TMEM132B: variants seen among roughly 807,000 people sequenced by gnomAD.
TMEM132B encodes transmembrane protein 132B.
In TMEM132B, 18 loss-of-function variants were observed where a neutral mutation model predicts 90.8. The ratio of observed to expected loss-of-function variants is 0.20; its 90% CI spans 0.14 to 0.29. The LOEUF (loss-of-function observed/expected upper bound fraction) is 0.29, where lower values mean the gene tolerates loss of function less well. Among genes scored for constraint, TMEM132B ranks in the 10% least tolerant of loss-of-function variants. The pLI is 1.00. For missense variants in TMEM132B, 1,096 were observed against 1,326.8 expected, an observed-to-expected ratio of 0.83 and a Z score of 2.70; for synonymous variants, 504 against 523.3, an observed-to-expected ratio of 0.96 and a Z score of 0.50.
At chr12:125,576,696 C>T (rs1395332311) in intron 4 of TMEM132B, among the ~76,000 whole-genome samples, 1 of 151,906 alleles carries the variant, frequency 6.6e-6, no homozygotes, top group Non-Finnish European at 1.5e-5. Context: ...TTGTCAAATG[C>T]TTTTTTTCAC....
Position 125,445,433 on chromosome 12 carries a change from A to G in TMEM132B, c.1106+29756A>G, listed in dbSNP as rs1426007050. 2.6e-5 allele frequency among the ~76,000 whole-genome samples: 4 copies of G among 152,236 alleles called. No homozygotes were observed. The highest frequency in any genetic ancestry group is 2.6e-4 in the Admixed American group (4 of 15,290). On this transcript the variant is annotated intron_variant, in intron 3 of 8. Coordinates refer to ENST00000682704, the MANE Select transcript of TMEM132B (RefSeq NM_001366854.1). The surrounding 1 kb of genome is among the most constrained non-coding windows in gnomAD (Gnocchi z 4.3). Reference sequence around the variant, plus strand: ...ACCCTTCACCACCTGCTCTGAGACAATGGGCCAAAGTCTAAGCCTTTCTTC... The same window carrying G: ...ACCCTTCACCACCTGCTCTGAGACAGTGGGCCAAAGTCTAAGCCTTTCTTC...
At chr12:125,553,392 C>T (rs550669122) in intron 4 of TMEM132B, among the ~76,000 whole-genome samples, 6 of 152,290 alleles carry the variant, frequency 3.9e-5, no homozygotes, top group South Asian at 2.1e-4. Flanking sequence ...TGTGAAGCAA[C>T]CAAGAACATA....
intron 4 of TMEM132B, among the ~76,000 whole-genome samples, chr12:125,529,580 G>A (rs146424585): frequency 3.5e-4 from 54 of 152,242 alleles, no homozygotes; most frequent in Admixed American, 9.8e-4. Context: ...GGATTCAGAC[G>A]GGGGTAGCCT....
intron 3 of TMEM132B, among the ~76,000 whole-genome samples, chr12:125,439,466 G>A (rs1382385884): frequency 6.6e-6 from 1 of 152,106 alleles, no homozygotes; most frequent in East Asian, 1.9e-4. Flanking sequence ...TTGGCTCTTG[G>A]CTTGGCTACT....
intron 1 of TMEM132B, among the ~76,000 whole-genome samples, chr12:125,308,748 C>A (rs11835651): frequency 0.084 from 12,822 of 152,008 alleles, 608 homozygotes; most frequent in Non-Finnish European, 0.1. Flanking sequence ...ACTTTTGCAG[C>A]AGGTCTTTTA....
intron 4 of TMEM132B, among the ~76,000 whole-genome samples, chr12:125,568,643 C>A (rs975766623): frequency 2.0e-5 from 3 of 152,194 alleles, no homozygotes; most frequent in African/African-American, 7.2e-5. Context: ...TTTCTTCCCC[C>A]CTCTGGCTCT....
intron 4 of TMEM132B, among the ~76,000 whole-genome samples, chr12:125,530,583 A>G (rs1158134855): frequency 6.6e-6 from 1 of 152,266 alleles, no homozygotes; most frequent in East Asian, 1.9e-4. Context: ...TCTGGAGGCC[A>G]GAAGTCTGAA....
intron 1 of TMEM132B, among the ~76,000 whole-genome samples, chr12:125,249,356 C>T (rs749023531): frequency 3.3e-5 from 5 of 152,094 alleles, no homozygotes; most frequent in South Asian, 2.1e-4. Context: ...TCGAGAACCA[C>T]GCTCTGAGAA....
rs1887221849 is a variant in TMEM132B, at chr12:125,662,310, T to C, written c.*7600T>C. The C allele has an allele frequency of 6.6e-6, 1 of 152,240 alleles. No individual in the cohort carries two copies. 9.4% of individuals were successfully genotyped at this position (152,240 alleles called of 1,614,324 possible). On this transcript the variant is annotated 3_prime_UTR_variant, in exon 9 of 9. Coordinates refer to ENST00000682704, the MANE Select transcript of TMEM132B (RefSeq NM_001366854.1). ...TGTGTATGTTCCACCGTATATTTAA[T>C]GTCTCTGTAAAGGCACTTCCAAACA...
chr12:125,195,336 G>A (rs2136052324), intron 1 of TMEM132B, among the ~76,000 whole-genome samples: 1 of 151,550 alleles, frequency 6.6e-6, no homozygotes, highest in East Asian at 1.9e-4. Flanking sequence ...GGTGGTCTGT[G>A]CTGTGGAGAA....
rs569330245 is a variant in TMEM132B at position 125,653,483 on chromosome 12, A to G, written c.2107-82A>G. On this transcript the variant is annotated intron_variant, in intron 8 of 8. Transcript: ENST00000682704. ...GAAATCTTCTCCTTATATTTAAACA[A>G]TTTATATAGGAAATTATACTTATGT... The G allele has an allele frequency of 7.7e-5, 110 of 1,428,332 alleles. 2 individuals are homozygous for G. In the Middle Eastern group the frequency reaches 7.7e-4, roughly 10 times the overall value. 88.5% of individuals were successfully genotyped at this position (1,428,332 alleles called of 1,614,324 possible).
intron 4 of TMEM132B, among the ~76,000 whole-genome samples, chr12:125,568,551 T>C (rs1217699831): frequency 6.6e-6 from 1 of 152,200 alleles, no homozygotes; most frequent in East Asian, 1.9e-4. Context: ...TAACAGATCA[T>C]CACAGCCTCA....
chr12:125,361,915 A>G (rs1412138801), intron 2 of TMEM132B, among the ~76,000 whole-genome samples: 2 of 152,242 alleles, frequency 1.3e-5, no homozygotes, highest in Admixed American at 6.5e-5. Flanking sequence ...TCAGATCACA[A>G]CTTTGGAAAA....
chr12:125,654,429 A>C lies in TMEM132B; in HGVS notation c.2971A>C (p.Asn991His). The C allele has an allele frequency of 1.2e-6, 2 of 1,613,590 alleles. No homozygotes were observed. Among genetic ancestry groups the C allele is most frequent in the Non-Finnish European group, 1.7e-6 (2 of 1,180,000 alleles). The change falls in exon 9 of 9, where the codon AAT (asparagine) becomes CAT (histidine). Residue 991 changes from asparagine to histidine, a missense_variant. Transcript: ENST00000682704. The surrounding 1 kb of genome is among the most constrained non-coding windows in gnomAD (Gnocchi z 5.8). ...GTTCGAGGAGAGGAACTTCCTTCTG[A>C]ATGGCAGTTCCCAGAAGACTTTTCA... ...LQFEERNFLL[N>H]GSSQKTFHSQ...
chr12:125,353,325 A>G (rs1292439258), intron 2 of TMEM132B, among the ~76,000 whole-genome samples: 1 of 152,152 alleles, frequency 6.6e-6, no homozygotes, highest in Non-Finnish European at 1.5e-5. Flanking sequence ...GGCAGCCCCT[A>G]TCACTGCTGT....
chr12:125,538,346 C>A (rs1189150446), intron 4 of TMEM132B, among the ~76,000 whole-genome samples: 1 of 152,108 alleles, frequency 6.6e-6, no homozygotes, highest in East Asian at 1.9e-4. Flanking sequence ...GGTTAGGGTG[C>A]AGATAACTCT....
chr12:125,295,478 G>A (rs531941756), intron 1 of TMEM132B, among the ~76,000 whole-genome samples: 11 of 151,420 alleles, frequency 7.3e-5, no homozygotes, highest in African/African-American at 9.7e-5. Context: ...CACATAGGCC[G>A]GCTGTCTCTC....
chr12:125,447,392 C>T (rs983286508), intron 3 of TMEM132B, among the ~76,000 whole-genome samples: 5 of 152,056 alleles, frequency 3.3e-5, no homozygotes, highest in Non-Finnish European at 5.9e-5. Flanking sequence ...CTAGAGAATT[C>T]GTCACTTTTA....
intron 2 of TMEM132B, among the ~76,000 whole-genome samples, chr12:125,394,188 T>A (rs950341841): frequency 2.6e-5 from 4 of 152,212 alleles, no homozygotes; most frequent in African/African-American, 9.7e-5. Flanking sequence ...GCTACTATGA[T>A]TCCATTTTAC....
Sources: allele counts gnomAD v4.1 joint callset (sites outside exome capture counted in the v4.1 genomes callset), GRCh38; gene constraint gnomAD v4.1.1; non-coding constraint Gnocchi (gnomAD v3.1); transcripts MANE v1.5; gene names NCBI Gene and HGNC (gene_info 2026-07-23, HGNC 2026-07-21).